Variants in NKAIN3 observed in about 807,000 individuals in gnomAD.
NKAIN3 encodes the protein sodium/potassium transporting ATPase interacting 3, also known as sodium/potassium-transporting ATPase subunit beta-1-interacting protein 3.
A neutral mutation model predicts 30.2 loss-of-function variants in NKAIN3; 25 were observed. That is an observed-to-expected ratio of 0.83 (90% CI 0.60 to 1.16). The LOEUF is 1.16. Among genes scored for constraint, NKAIN3 ranks in the 50% most tolerant of loss-of-function variants. The pLI is 0.00. For missense variants in NKAIN3, 225 were observed against 254.1 expected (o/e 0.89, Z 0.78); for synonymous variants, 91 against 89.6 (o/e 1.02, Z -0.09).
chr8:62,563,743 C>A (rs1809660357), intron 1 of NKAIN3, among the ~76,000 whole-genome samples: 2 of 152,072 alleles, frequency 1.3e-5, no homozygotes, highest in Admixed American at 1.3e-4. Context: ...TTTTAGCAGG[C>A]TTTAGGTTTC....
intron 3 of NKAIN3, among the ~76,000 whole-genome samples, chr8:62,608,725 T>G (rs1365059006): frequency 6.6e-6 from 1 of 152,178 alleles, no homozygotes; most frequent in Admixed American, 6.5e-5. Flanking sequence ...TCACAAATAT[T>G]TTTATAATTA....
chr8:62,987,345 G>A (rs567677671), downstream of NKAIN3, among the ~76,000 whole-genome samples: 112 of 152,258 alleles, frequency 7.4e-4, 1 homozygote, highest in African/African-American at 2.6e-3. Context: ...TTGGGAGGCT[G>A]AGGCATGAGA....
At chr8:62,854,664 G>A (rs1820008605) in intron 4 of NKAIN3, among the ~76,000 whole-genome samples, 1 of 152,114 alleles carries the variant, frequency 6.6e-6, no homozygotes, top group African/African-American at 2.4e-5. Context: ...GCCATTCTGT[G>A]TCTTTTAATT....
chr8:62,626,575 G>A (rs185101583), intron 3 of NKAIN3, among the ~76,000 whole-genome samples: 8 of 152,158 alleles, frequency 5.3e-5, no homozygotes, highest in African/African-American at 7.2e-5. Flanking sequence ...GTCTAAAGGC[G>A]GGGGCTTTGG....
intron 1 of NKAIN3, among the ~76,000 whole-genome samples, chr8:62,358,769 A>G (rs1325427423): frequency 6.6e-6 from 1 of 152,236 alleles, no homozygotes; most frequent in Non-Finnish European, 1.5e-5. Flanking sequence ...ATCTAGGTCT[A>G]CTGTCTTATT....
At chr8:62,885,649 A>G (rs1027462425) in intron 4 of NKAIN3, among the ~76,000 whole-genome samples, 4 of 152,128 alleles carry the variant, frequency 2.6e-5, no homozygotes, top group Admixed American at 1.3e-4. Flanking sequence ...TGCCTCACAT[A>G]TGTTGATGCT....
intron 1 of NKAIN3, chr8:62,483,746 A>AG: frequency 3.3e-6 from 1 of 298,602 alleles, no homozygotes; most frequent in South Asian, 3.9e-5. Flanking sequence ...ATGTTGCGGG[A>AG]GGCTTTCATT....
chr8:62,258,161 C>T (rs1272850941), intron 1 of NKAIN3, among the ~76,000 whole-genome samples: 2 of 151,782 alleles, frequency 1.3e-5, no homozygotes, highest in South Asian at 4.1e-4. Flanking sequence ...ATATTGTATG[C>T]TTAAAAAATG....
downstream of NKAIN3, among the ~76,000 whole-genome samples, chr8:62,986,037 C>T (rs572887874): frequency 6.6e-6 from 1 of 152,302 alleles, no homozygotes; most frequent in African/African-American, 2.4e-5. Context: ...ATATGACTGC[C>T]TTTTCCCTTG....
chr8:62,989,415 G>A (rs1464468830), downstream of NKAIN3, among the ~76,000 whole-genome samples: 1 of 152,186 alleles, frequency 6.6e-6, no homozygotes, highest in African/African-American at 2.4e-5. Flanking sequence ...CAAAGGAGGA[G>A]CAAAGTCATG....
chr8:62,837,436 G>T (rs910722265), intron 4 of NKAIN3, among the ~76,000 whole-genome samples: 3 of 152,100 alleles, frequency 2.0e-5, no homozygotes, highest in African/African-American at 7.2e-5. Flanking sequence ...TCCTACATCT[G>T]AAAATTCCAG....
At chr8:62,830,117 T>C (rs1819149098) in intron 4 of NKAIN3, among the ~76,000 whole-genome samples, 1 of 152,154 alleles carries the variant, frequency 6.6e-6, no homozygotes, top group Admixed American at 6.5e-5. Flanking sequence ...CTCTGAAAGG[T>C]AGAAATGAAA....
chr8:62,506,480 T>C (rs111458987), intron 1 of NKAIN3, among the ~76,000 whole-genome samples: 9 of 19,624 alleles, frequency 4.6e-4, no homozygotes, highest in Admixed American at 1.1e-3. Context: ...TTCTTTCTTT[T>C]TTTTTTTTTT....
intron 1 of NKAIN3, among the ~76,000 whole-genome samples, chr8:62,517,546 A>G (rs756203391): frequency 6.6e-6 from 1 of 152,114 alleles, no homozygotes; most frequent in Non-Finnish European, 1.5e-5. Flanking sequence ...GACACATTTC[A>G]CTTCCACTCA....
intron 2 of NKAIN3, among the ~76,000 whole-genome samples, chr8:62,582,724 A>T (rs1810345440): frequency 6.6e-6 from 1 of 152,176 alleles, no homozygotes; most frequent in East Asian, 1.9e-4. Flanking sequence ...AATAGGAAAG[A>T]ATTCAAATGT....
chr8:62,634,545 G>A (rs995319466), intron 3 of NKAIN3, among the ~76,000 whole-genome samples: 5 of 152,154 alleles, frequency 3.3e-5, no homozygotes, highest in African/African-American at 1.2e-4. Flanking sequence ...CCAAACCCCT[G>A]GCATTGTGAT....
intron 1 of NKAIN3, among the ~76,000 whole-genome samples, chr8:62,341,438 G>T (rs770246247): frequency 6.6e-6 from 1 of 151,964 alleles, no homozygotes; most frequent in Non-Finnish European, 1.5e-5. Context: ...ACCTTGAAGT[G>T]CATGTAATCA....
intron 3 of NKAIN3, among the ~76,000 whole-genome samples, chr8:62,666,257 C>T (rs186230274): frequency 6.6e-6 from 1 of 151,980 alleles, no homozygotes; most frequent in African/African-American, 2.4e-5. Context: ...ATTAGAACTC[C>T]TGTGCTTGTA....
intron 1 of NKAIN3, among the ~76,000 whole-genome samples, chr8:62,279,681 T>C (rs986068621): frequency 3.3e-5 from 5 of 152,204 alleles, no homozygotes; most frequent in African/African-American, 1.2e-4. Flanking sequence ...ATCAGATGGC[T>C]GTAGATAAGT....
Sources: gnomAD v4.1 joint callset for allele counts (sites outside exome capture counted in the v4.1 genomes callset) on GRCh38, gnomAD v4.1.1 for gene constraint, MANE v1.5 for transcripts, NCBI Gene and HGNC (gene_info 2026-07-23, HGNC 2026-07-21) for gene names.